Variants in SEMA4F observed in about 807,000 individuals in gnomAD.
The protein encoded by SEMA4F is ssemaphorin 4F.
In SEMA4F, 51 loss-of-function variants were observed where a neutral mutation model predicts 78.4. The observed-to-expected ratio is 0.65, with a 90% CI of 0.52 to 0.82. The LOEUF (loss-of-function observed/expected upper bound fraction) is 0.82, where lower values mean the gene tolerates loss of function less well. SEMA4F is among the 40% of genes least tolerant of loss of function. The pLI is 0.00. For synonymous variants in SEMA4F, 418 were observed against 408.7 expected (o/e 1.02, Z -0.27); for missense variants, 938 against 1,014.4 (o/e 0.92, Z 1.02).
chr2:74,700,724 G>A, the SEMA4F span, among the ~76,000 whole-genome samples: 2 of 152,270 alleles, frequency 1.3e-5, no homozygotes, highest in Non-Finnish European at 2.9e-5. Flanking sequence ...GCAGAGCTAG[G>A]ATTCAAATCT....
rs774966104 is a variant in SEMA4F at position 74,656,647 on chromosome 2, G to A, written c.259G>A (p.Ala87Thr). Residue 87 changes from alanine (A) to threonine (T), a missense_variant, in exon 2 of 14, where the codon GCT (alanine) becomes ACT (threonine). Transcript: ENST00000357877. ...LYVGARDTIF[A>T]LSLPFSGERP... The stretch of plus-strand genomic sequence containing the variant: ...TGTTGGCGCCCGGGACACCATCTTC[G>A]CTTTATCCCTGCCCTTCTCAGGGGA... 83 of 1,614,024 alleles carry A rather than the reference G, an allele frequency of 5.1e-5. No homozygotes were observed. Among genetic ancestry groups the A allele is most frequent in the Non-Finnish European group, 4.2e-5 (50 of 1,180,034 alleles).
At chr2:74,685,595 T>G (rs962216157), downstream of SEMA4F, among the ~76,000 whole-genome samples, 2 of 152,112 alleles carry the variant, frequency 1.3e-5, no homozygotes, top group Non-Finnish European at 2.9e-5. Context: ...AACCAATGAC[T>G]GTGTCCTAGG....
chr2:74,677,982 C>T (rs1049247674), intron 12 of SEMA4F, among the ~76,000 whole-genome samples: 3 of 152,018 alleles, frequency 2.0e-5, no homozygotes, highest in Admixed American at 2.0e-4. Context: ...AATCTTATGC[C>T]GTCTCTTGAT....
chr2:74,675,188 G>C lies in SEMA4F; in HGVS notation c.1176G>C (p.Arg392=). The part of the protein sequence containing the change: ...GECITNNMKL[R]HFGSSLSLPD... ...GCATCACCAACAACATGAAGCTCCG[G>C]CACTTTGGCTCATCTCTCTCCCTGC... Residue 392 remains arginine (R), a synonymous_variant, in exon 10 of 14, where the codon CGG becomes CGC. Transcript: ENST00000357877. 6.2e-7 allele frequency: 1 copy of C among 1,614,090 alleles called. No homozygotes were observed. Among genetic ancestry groups the C allele is most frequent in the Non-Finnish European group, 8.5e-7 (1 of 1,180,028 alleles).
intron 4 of SEMA4F, among the ~76,000 whole-genome samples, chr2:74,660,079 T>C (rs556670273): frequency 2.2e-4 from 34 of 152,344 alleles, no homozygotes; most frequent in African/African-American, 7.7e-4. Flanking sequence ...AACCATTCAG[T>C]TGAGTGTCTG....
At chr2:74,671,522 G>T (rs1196485455) in intron 5 of SEMA4F, among the ~76,000 whole-genome samples, 3 of 152,166 alleles carry the variant, frequency 2.0e-5, no homozygotes, top group Non-Finnish European at 2.9e-5. Context: ...GATCTTCTCA[G>T]TTGCCTTTGG....
chr2:74,663,967 G>C (rs908067476), intron 5 of SEMA4F, among the ~76,000 whole-genome samples: 4 of 152,214 alleles, frequency 2.6e-5, no homozygotes, highest in Non-Finnish European at 5.9e-5. Context: ...ATTCCTGCTA[G>C]TACTTCTTTT....
chr2:74,659,550 C>G (rs1015749776), intron 4 of SEMA4F, among the ~76,000 whole-genome samples: 1 of 152,162 alleles, frequency 6.6e-6, no homozygotes, highest in Non-Finnish European at 1.5e-5. Flanking sequence ...CCTGAACTCT[C>G]CTGTCTAGCA....
At chr2:74,679,485 T>A (rs1685469542) in intron 13 of SEMA4F, 114 bp from the exon 14 acceptor site, 3 of 1,499,420 alleles carry the variant, frequency 2.0e-6, no homozygotes, top group South Asian at 2.5e-5. Context: ...GGAATCCCCT[T>A]TTTAGCTTAG....
At chr2:74,699,817 G>A in the SEMA4F span, among the ~76,000 whole-genome samples, 1 of 152,212 alleles carries the variant, frequency 6.6e-6, no homozygotes, top group Non-Finnish European at 1.5e-5. Flanking sequence ...CAGAGGCCCA[G>A]GCATTTGTCA....
downstream of SEMA4F, among the ~76,000 whole-genome samples, chr2:74,686,019 C>G (rs1685815154): frequency 6.6e-6 from 1 of 152,104 alleles, no homozygotes; most frequent in Non-Finnish European, 1.5e-5. Context: ...GATACCATCT[C>G]ACGCCAATTA....
chr2:74,659,960 T>C (rs1466622561), intron 4 of SEMA4F, among the ~76,000 whole-genome samples: 1 of 152,174 alleles, frequency 6.6e-6, no homozygotes, highest in Non-Finnish European at 1.5e-5. Flanking sequence ...GATAGCTCAT[T>C]GGACATTGGA....
At position 74,680,649 on chromosome 2, in the gene SEMA4F, G is replaced by C. The variant is rs1235470676; in HGVS notation, c.*440G>C. The C allele has an allele frequency of 6.3e-6, 1 of 159,534 alleles. No individual in the cohort carries two copies. The highest frequency in any genetic ancestry group is 1.4e-5 in the Non-Finnish European group (1 of 72,762). 9.9% of individuals were successfully genotyped at this position (159,534 alleles called of 1,614,324 possible). ...TTCTGCTTATTCTTCAAGTTTATCT[G>C]AATCTGTGGGGAGTGCATGATCCCC... On this transcript the variant is annotated 3_prime_UTR_variant, in exon 14 of 14. Transcript: ENST00000357877.
At chr2:74,693,344 G>T in the SEMA4F span, among the ~76,000 whole-genome samples, 1 of 152,128 alleles carries the variant, frequency 6.6e-6, no homozygotes, top group African/African-American at 2.4e-5. Flanking sequence ...GGAACTTCCA[G>T]AACTGGCCCA....
chr2:74,672,667 C>A (rs1423352601), intron 5 of SEMA4F, among the ~76,000 whole-genome samples: 1 of 152,132 alleles, frequency 6.6e-6, no homozygotes, highest in Non-Finnish European at 1.5e-5. Context: ...CAGAGCTGAA[C>A]CCCCCTTCCT....
intron 13 of SEMA4F, 123 bp downstream of exon 13, chr2:74,679,457 C>G: frequency 3.4e-6 from 5 of 1,476,158 alleles, no homozygotes; most frequent in Non-Finnish European, 4.7e-6. Flanking sequence ...CCAGGAACCT[C>G]GGGCCTTAGC....
At chr2:74,687,448 C>T (rs1403127681), downstream of SEMA4F, among the ~76,000 whole-genome samples, 3 of 152,222 alleles carry the variant, frequency 2.0e-5, no homozygotes, top group Admixed American at 6.5e-5. Context: ...TGTTAGATTG[C>T]AAACTCCATG....
At chr2:74,674,745 T>G in intron 8 of SEMA4F, 69 bp downstream of exon 8, 2 of 1,576,374 alleles carry the variant, frequency 1.3e-6, no homozygotes, top group Non-Finnish European at 1.7e-6. Context: ...ATGTCAGTGT[T>G]GTCTCTTCCA....
chr2:74,666,967 A>G (rs997466813), intron 5 of SEMA4F, among the ~76,000 whole-genome samples: 6 of 152,214 alleles, frequency 3.9e-5, no homozygotes, highest in Admixed American at 2.0e-4. Context: ...TATCATTACC[A>G]AGTAACCACT....
Sources: gnomAD v4.1 joint callset for allele counts (sites outside exome capture counted in the v4.1 genomes callset) on GRCh38, gnomAD v4.1.1 for gene constraint, MANE v1.5 for transcripts, NCBI Gene and HGNC (gene_info 2026-07-23, HGNC 2026-07-21) for gene names.